The following THADA variants were observed in gnomAD, a reference collection of about 807,000 sequenced individuals.
THADA encodes THADA armadillo repeat containing.
Under a neutral mutation model 219.8 loss-of-function variants are expected in THADA, and 213 were observed. The observed-to-expected ratio is 0.97, with a 90% CI of 0.87 to 1.09. The LOEUF (loss-of-function observed/expected upper bound fraction) is 1.09, where lower values mean the gene tolerates loss of function less well. Among genes scored for constraint, THADA ranks in the 50% least tolerant of loss-of-function variants. THADA has a pLI of 0.00. For synonymous variants in THADA, 1,018 were observed against 828.9 expected, an observed-to-expected ratio of 1.23 and a Z score of -3.92; for missense variants, 2,956 against 2,311.3, an observed-to-expected ratio of 1.28 and a Z score of -5.72.
intron 31 of THADA, among the ~76,000 whole-genome samples, chr2:43,304,397 A>C (rs1289875889): frequency 1.3e-5 from 2 of 152,226 alleles, no homozygotes; most frequent in East Asian, 1.9e-4. Context: ...ACAACAAAAA[A>C]ATGGTTTCAC....
chr2:43,290,471 G>A (rs1674564885), intron 34 of THADA, among the ~76,000 whole-genome samples: 1 of 152,016 alleles, frequency 6.6e-6, no homozygotes, highest in African/African-American at 2.4e-5. Flanking sequence ...TTTTATCTCT[G>A]CCCAGCCTCA....
At chr2:43,351,004 G>C (rs1325244076) in intron 29 of THADA, among the ~76,000 whole-genome samples, 2 of 152,202 alleles carry the variant, frequency 1.3e-5, no homozygotes, top group East Asian at 1.9e-4. Context: ...CACAAAGCCT[G>C]CTGGGGACTG....
chr2:43,409,818 G>A (rs1218893550), intron 28 of THADA, among the ~76,000 whole-genome samples: 3 of 151,870 alleles, frequency 2.0e-5, no homozygotes, highest in South Asian at 2.1e-4. Context: ...CCAGGAGTTC[G>A]AGACCAGCCT....
At chr2:43,428,325 T>C (rs1678770064) in intron 27 of THADA, 94 bp from the exon 28 acceptor site, 2 of 1,285,932 alleles carry the variant, frequency 1.6e-6, no homozygotes, top group Admixed American at 2.2e-5. Flanking sequence ...ATTATGTATA[T>C]GGCCGGGTGC....
At chr2:43,530,624 G>A (rs754220791) in intron 21 of THADA, among the ~76,000 whole-genome samples, 15 of 152,220 alleles carry the variant, frequency 9.9e-5, no homozygotes, top group Admixed American at 2.0e-4. Flanking sequence ...CCAAAATGTT[G>A]CAGATATTAA....
At chr2:43,407,928 T>G (rs563227741) in intron 28 of THADA, among the ~76,000 whole-genome samples, 12 of 152,104 alleles carry the variant, frequency 7.9e-5, no homozygotes, top group Non-Finnish European at 1.8e-4. Context: ...GTGCCAATTT[T>G]TTTGTTGTGA....
In THADA at chr2:43,292,174, T is replaced by A; in HGVS notation, c.4867A>T (p.Thr1623Ser). 1 of 1,612,470 alleles carries A rather than the reference T, an allele frequency of 6.2e-7. No individual in the cohort carries two copies. Among genetic ancestry groups the A allele is most frequent in the Non-Finnish European group, 8.5e-7 (1 of 1,179,352 alleles). ...CMDPGEWLPQ[T>S]EHCVHLTPKE... ...GGGGTCAGATGGACACAGTGCTCCGTCTGGGGAAGCCACTCACCAGGGTCC... is the reference window on the plus strand; with the variant it reads ...GGGGTCAGATGGACACAGTGCTCCGACTGGGGAAGCCACTCACCAGGGTCC... The change falls in exon 33 of 38, where the codon ACG becomes TCG. Residue 1623 changes from threonine (T) to serine (S), a missense_variant. Coordinates refer to ENST00000405975, the MANE Select transcript of THADA (RefSeq NM_022065.5).
At chr2:43,453,249 G>A (rs1682579159) in intron 26 of THADA, among the ~76,000 whole-genome samples, 1 of 152,196 alleles carries the variant, frequency 6.6e-6, no homozygotes, top group Non-Finnish European at 1.5e-5. Context: ...CTCAGCTGCA[G>A]AAGTATGGAA....
intron 26 of THADA, among the ~76,000 whole-genome samples, chr2:43,438,345 A>G (rs1680408983): frequency 6.6e-6 from 1 of 150,720 alleles, no homozygotes; most frequent in Non-Finnish European, 1.5e-5. Flanking sequence ...AGACTATTTT[A>G]TACCCTCAAA....
chr2:43,352,156 A>T (rs1668347225), intron 29 of THADA, among the ~76,000 whole-genome samples: 1 of 152,222 alleles, frequency 6.6e-6, no homozygotes, highest in African/African-American at 2.4e-5. Context: ...AGAGCTGTTT[A>T]TATTTGATAA....
chr2:43,500,178 G>T (rs913981049), intron 24 of THADA, among the ~76,000 whole-genome samples: 5 of 152,000 alleles, frequency 3.3e-5, no homozygotes, highest in African/African-American at 1.2e-4. Flanking sequence ...ATAATGTATG[G>T]TCTCATTTAT....
chr2:43,538,429 C>A (rs993088203), intron 21 of THADA: 1 of 152,186 alleles, frequency 6.6e-6, no homozygotes, highest in African/African-American at 2.4e-5. Context: ...TCAGACATGC[C>A]TCTGAATGAA....
intron 15 of THADA, chr2:43,564,619 G>C (rs993863303): frequency 6.6e-6 from 1 of 152,214 alleles, no homozygotes; most frequent in African/African-American, 2.4e-5. Flanking sequence ...TGCATTCACA[G>C]CTTCTAAAGA....
At chr2:43,527,464 T>C (rs1411963534) in intron 22 of THADA, among the ~76,000 whole-genome samples, 1 of 152,202 alleles carries the variant, frequency 6.6e-6, no homozygotes, top group African/African-American at 2.4e-5. Context: ...TAAACTTTTC[T>C]ATACGATAAA....
intron 26 of THADA, among the ~76,000 whole-genome samples, chr2:43,440,723 C>A (rs1465106021): frequency 6.6e-6 from 1 of 152,160 alleles, no homozygotes; most frequent in Non-Finnish European, 1.5e-5. Flanking sequence ...AATAAGTGGT[C>A]TGCTATTTCT....
intron 28 of THADA, among the ~76,000 whole-genome samples, chr2:43,400,683 T>C (rs2104725210): frequency 6.6e-6 from 1 of 152,052 alleles, no homozygotes; most frequent in Admixed American, 6.5e-5. Context: ...CAGTTAAGAA[T>C]GGTGGCAATG....
At chr2:43,537,659 C>A (rs1404226839) in intron 21 of THADA, among the ~76,000 whole-genome samples, 1 of 152,080 alleles carries the variant, frequency 6.6e-6, no homozygotes, top group Non-Finnish European at 1.5e-5. Flanking sequence ...ATAAAAGTTA[C>A]AACAGAATCT....
At chr2:43,588,458 G>A (rs1261059793) in intron 4 of THADA, among the ~76,000 whole-genome samples, 2 of 152,076 alleles carry the variant, frequency 1.3e-5, no homozygotes, top group African/African-American at 2.4e-5. Context: ...AAGACACCAT[G>A]AGAAAGTTAA....
intron 11 of THADA, among the ~76,000 whole-genome samples, chr2:43,573,882 T>C (rs1288500977): frequency 6.6e-6 from 1 of 152,176 alleles, no homozygotes; most frequent in Non-Finnish European, 1.5e-5. Context: ...TAGATGGCTA[T>C]TTCTTGAGAT....
Sources: allele counts gnomAD v4.1 joint callset (sites outside exome capture counted in the v4.1 genomes callset), GRCh38; gene constraint gnomAD v4.1.1; transcripts MANE v1.5; gene names NCBI Gene and HGNC (gene_info 2026-07-23, HGNC 2026-07-21).